Variants in MXI1 observed in about 807,000 individuals in gnomAD.
The protein encoded by MXI1 is max-interacting protein 1.
MXI1 carries 18 observed loss-of-function variants against 36.9 expected under a neutral mutation model. The ratio of observed to expected loss-of-function variants is 0.49; its 90% CI spans 0.34 to 0.72. The LOEUF (loss-of-function observed/expected upper bound fraction) is 0.72. MXI1 is among the 30% of genes least tolerant of loss of function. The probability of loss-of-function intolerance (pLI) is 0.01; values close to 1 mark genes in which losing one functional copy is unlikely to be tolerated. For missense variants in MXI1, 304 were observed against 379.1 expected, an observed-to-expected ratio of 0.80 and a Z score of 1.64; for synonymous variants, 160 against 146.7, an observed-to-expected ratio of 1.09 and a Z score of -0.65.
intron 5 of MXI1, among the ~76,000 whole-genome samples, chr10:110,280,329 G>A (rs1857189592): frequency 6.6e-6 from 1 of 151,244 alleles, no homozygotes; most frequent in Admixed American, 6.6e-5. Context: ...CCTCAATTTA[G>A]GTTTGTCTGA....
intron 1 of MXI1, among the ~76,000 whole-genome samples, chr10:110,214,344 C>CT (rs908250801): frequency 2.6e-5 from 4 of 151,714 alleles, no homozygotes; most frequent in Admixed American, 6.6e-5. Context: ...GGCTTTTTTT[C>CT]TTTTTTTGTC....
At chr10:110,234,778 T>A (rs975444092) in intron 2 of MXI1, among the ~76,000 whole-genome samples, 1 of 152,222 alleles carries the variant, frequency 6.6e-6, no homozygotes, top group Non-Finnish European at 1.5e-5. Context: ...ATGTGTTTTT[T>A]AACTTCGAGA....
intron 1 of MXI1, among the ~76,000 whole-genome samples, chr10:110,215,880 AAGAG>A (rs1410019864): frequency 1.3e-5 from 2 of 152,030 alleles, no homozygotes; most frequent in African/African-American, 2.4e-5. Context: ...AGAGAAAAAA[AAGAG>A]AGGGAGGGAG....
At chr10:110,272,239 T>C (rs1378066436) in intron 3 of MXI1, among the ~76,000 whole-genome samples, 1 of 152,226 alleles carries the variant, frequency 6.6e-6, no homozygotes, top group African/African-American at 2.4e-5. Context: ...TTAGGATTTT[T>C]GGATTTGGGA....
chr10:110,274,038 G>A (rs1463768212), intron 3 of MXI1, among the ~76,000 whole-genome samples: 8 of 152,142 alleles, frequency 5.3e-5, no homozygotes, highest in African/African-American at 1.2e-4. Flanking sequence ...TGATATACCT[G>A]TGCTTTAAAA....
chr10:110,243,359 G>C (rs1334013671), intron 2 of MXI1, among the ~76,000 whole-genome samples: 1 of 152,004 alleles, frequency 6.6e-6, no homozygotes, highest in Non-Finnish European at 1.5e-5. Context: ...TCTTGGACTT[G>C]ATGAAATTAC....
chr10:110,212,970 A>G (rs930008666), intron 1 of MXI1, among the ~76,000 whole-genome samples: 1 of 152,236 alleles, frequency 6.6e-6, no homozygotes, highest in Non-Finnish European at 1.5e-5. Flanking sequence ...CACTGGGCAT[A>G]CAGTAGTAGA....
At chr10:110,275,256 C>G (rs2134460209) in intron 3 of MXI1, among the ~76,000 whole-genome samples, 1 of 152,154 alleles carries the variant, frequency 6.6e-6, no homozygotes, top group Admixed American at 6.5e-5. Flanking sequence ...TCTTACAGCA[C>G]CCATGATTTG....
rs1453525308 is a variant in MXI1 at position 110,207,830 on chromosome 10, C to A, written c.22C>A (p.Arg8Ser). 1.2e-5 allele frequency: 14 copies of A among 1,121,364 alleles called. No individual in the cohort carries two copies. Among genetic ancestry groups the A allele is most frequent in the Non-Finnish European group, 1.5e-5 (14 of 918,380 alleles). The allele number at this position is 1,121,364 out of a possible 1,614,324, so 69.5% of individuals were successfully genotyped here. Residue 8 changes from arginine (R) to serine (S), a missense_variant, in exon 1 of 6, where the codon CGC becomes AGC. Around this residue, in one of 2 missense-constraint regions of MXI1, gnomAD observed 179 missense variants for 184.8 expected, o/e 0.97. Transcript: ENST00000332674. Reference protein sequence around the residue: MGKRGRPRKEARCEGAGL... With the variant: MGKRGRPSKEARCEGAGL... ...CTCCATGGGCAAACGCGGGCGGCCG[C>A]GCAAGGAGGCGCGCTGCGAGGGCGC... is the stretch of plus-strand genomic sequence containing the variant.
chr10:110,242,712 A>C (rs927348603), intron 2 of MXI1, among the ~76,000 whole-genome samples: 1 of 151,944 alleles, frequency 6.6e-6, no homozygotes, highest in Admixed American at 6.6e-5. Context: ...GATCTTTTGG[A>C]GCTAGCTTTG....
chr10:110,271,040 C>T (rs543209144), intron 3 of MXI1, among the ~76,000 whole-genome samples: 66 of 150,690 alleles, frequency 4.4e-4, no homozygotes, highest in African/African-American at 1.4e-3. Flanking sequence ...TGCAGTGAGC[C>T]GAGATCGCGC....
chr10:110,239,685 T>C (rs191764825), intron 2 of MXI1, among the ~76,000 whole-genome samples: 236 of 152,280 alleles, frequency 1.5e-3, no homozygotes, highest in African/African-American at 5.5e-3. Flanking sequence ...GCCAAAAGAT[T>C]TGTCAAGGAC....
Position 110,244,829 on chromosome 10 carries a change from T to C in MXI1, c.409T>C (p.Ser137Pro). 6.3e-7 allele frequency: 1 copy of C among 1,595,514 alleles called. No individual in the cohort carries two copies. ...CTTTTTTTTTTTTTTGTCTTTTAGATCTACACACAATGAGCTGGAAAAGAA... is the reference window on the plus strand; with the variant it reads ...CTTTTTTTTTTTTTTGTCTTTTAGACCTACACACAATGAGCTGGAAAAGAA... ...GSSNTSTANR[S>P]THNELEKNRR... The change falls in exon 3 of 6, where the codon TCT becomes CCT. Residue 137 changes from serine (S) to proline (P), a missense_variant and splice_region_variant. Around this residue, in one of 2 missense-constraint regions of MXI1, gnomAD observed 179 missense variants for 184.8 expected, o/e 0.97. Transcript: ENST00000332674.
At chr10:110,221,989 C>G (rs988822977) in intron 1 of MXI1, among the ~76,000 whole-genome samples, 2 of 152,188 alleles carry the variant, frequency 1.3e-5, no homozygotes, top group African/African-American at 2.4e-5. Context: ...TTTATCTCGG[C>G]TGCACACAGA....
intron 5 of MXI1, among the ~76,000 whole-genome samples, chr10:110,284,142 TTTTTAA>T (rs1270071720): frequency 6.6e-6 from 1 of 152,022 alleles, no homozygotes; most frequent in Non-Finnish European, 1.5e-5. Flanking sequence ...GTGTTTTTTT[TTTTTAA>T]TGTTTGGCTT....
chr10:110,237,678 C>T (rs1449040710), intron 2 of MXI1, among the ~76,000 whole-genome samples: 2 of 152,178 alleles, frequency 1.3e-5, no homozygotes, highest in East Asian at 3.8e-4. Flanking sequence ...GTCCTCAGGC[C>T]ACTCTCACAT....
chr10:110,242,876 T>C (rs1855724466), intron 2 of MXI1, among the ~76,000 whole-genome samples: 1 of 151,680 alleles, frequency 6.6e-6, no homozygotes, highest in African/African-American at 2.4e-5. Context: ...TGCTCTTCTC[T>C]AAATACAATG....
chr10:110,220,521 C>A (rs984397984), intron 1 of MXI1, among the ~76,000 whole-genome samples: 1 of 152,180 alleles, frequency 6.6e-6, no homozygotes, highest in African/African-American at 2.4e-5. Flanking sequence ...CCTGGCTAGA[C>A]CTAACTGTGA....
chr10:110,281,908 A>G (rs1037943038), intron 5 of MXI1, among the ~76,000 whole-genome samples: 1 of 152,242 alleles, frequency 6.6e-6, no homozygotes, highest in African/African-American at 2.4e-5. Flanking sequence ...ATATAAATGT[A>G]TAGCCTTTAA....
Sources: gnomAD v4.1 joint callset for allele counts (sites outside exome capture counted in the v4.1 genomes callset) on GRCh38, gnomAD v4.1.1 for gene constraint, gnomAD v4.1.1 regional missense constraint, MANE v1.5 for transcripts, NCBI Gene and HGNC (gene_info 2026-07-23, HGNC 2026-07-21) for gene names.